NXPH1: variants seen among roughly 807,000 people sequenced by gnomAD.
The protein encoded by NXPH1 is neurexophilin 1.
Under a neutral mutation model 23.7 loss-of-function variants are expected in NXPH1, and 5 were observed. The observed-to-expected ratio is 0.21, with a 90% CI of 0.11 to 0.44. NXPH1 has a LOEUF of 0.44. Ranked by LOEUF, NXPH1 falls within the 20% of genes least tolerant of loss-of-function variation. The probability of loss-of-function intolerance (pLI) is 0.99; values close to 1 mark genes in which losing one functional copy is unlikely to be tolerated. For missense variants in NXPH1, 324 were observed against 321.6 expected (o/e 1.01, Z -0.06); for synonymous variants, 144 against 122.2 (o/e 1.18, Z -1.18).
At chr7:8,584,050 A>G (rs1818932131) in intron 2 of NXPH1, among the ~76,000 whole-genome samples, 1 of 152,222 alleles carries the variant, frequency 6.6e-6, no homozygotes, top group Admixed American at 6.5e-5. Context: ...AGATATTACT[A>G]TGCATTGGAT....
intron 2 of NXPH1, among the ~76,000 whole-genome samples, chr7:8,701,053 A>G (rs1314181120): frequency 6.6e-6 from 1 of 152,056 alleles, no homozygotes; most frequent in Non-Finnish European, 1.5e-5. Context: ...TCCTAATCTT[A>G]AAACCACTGA....
intron 2 of NXPH1, among the ~76,000 whole-genome samples, chr7:8,559,398 A>G (rs1052788525): frequency 1.3e-4 from 19 of 151,776 alleles, no homozygotes; most frequent in African/African-American, 4.1e-4. Flanking sequence ...TTGGTAAGAC[A>G]TGCTTTTGCC....
chr7:8,712,052 G>A (rs1583241916), intron 2 of NXPH1, among the ~76,000 whole-genome samples: 2 of 152,194 alleles, frequency 1.3e-5, no homozygotes, highest in African/African-American at 4.8e-5. Flanking sequence ...GCTCAAGGTT[G>A]TTCTTTGCCA....
At chr7:8,747,722 A>G (rs1051037387) in intron 2 of NXPH1, among the ~76,000 whole-genome samples, 4 of 152,222 alleles carry the variant, frequency 2.6e-5, no homozygotes. Flanking sequence ...TTATGTAACT[A>G]GGCAAGTGCA....
At position 8,621,445 on chromosome 7, in the gene NXPH1, C is replaced by G. The variant is rs1399067924; in HGVS notation, c.55-129563C>G. Among the ~76,000 whole-genome samples the G allele has an allele frequency of 2.0e-5, 3 of 150,926 alleles. No homozygotes were observed. The Admixed American group carries it at 2.0e-4, about 10-fold the overall frequency. On this transcript the variant is annotated intron_variant, in intron 2 of 2. Coordinates refer to ENST00000405863, the MANE Select transcript of NXPH1 (RefSeq NM_152745.3). ...TTGAGAAGAACTTTGGGACAAAGCT[C>G]TTTGCTTAAGATTGGTATTGAGAAA...
At chr7:8,448,144 G>A (rs1816437679) in intron 2 of NXPH1, among the ~76,000 whole-genome samples, 1 of 152,196 alleles carries the variant, frequency 6.6e-6, no homozygotes, top group Non-Finnish European at 1.5e-5. Flanking sequence ...CTTTGGGCAA[G>A]CTTAACTTCT....
intron 2 of NXPH1, among the ~76,000 whole-genome samples, chr7:8,452,335 C>T (rs530128058): frequency 7.2e-5 from 11 of 152,254 alleles, no homozygotes; most frequent in African/African-American, 2.6e-4. Context: ...TATGTTACCA[C>T]CACTGATGAA....
intron 2 of NXPH1, among the ~76,000 whole-genome samples, chr7:8,699,684 T>C (rs557076097): frequency 2.0e-5 from 3 of 152,280 alleles, no homozygotes; most frequent in Admixed American, 2.0e-4. Flanking sequence ...GTTTTGATGA[T>C]GGGGAAAATA....
At chr7:8,499,488 A>G (rs1329622225) in intron 2 of NXPH1, among the ~76,000 whole-genome samples, 1 of 152,100 alleles carries the variant, frequency 6.6e-6, no homozygotes, top group Non-Finnish European at 1.5e-5. Flanking sequence ...GGAAATTAGC[A>G]AGAATGAGAC....
chr7:8,650,961 ATATT>A (rs895693677), intron 2 of NXPH1, among the ~76,000 whole-genome samples: 1 of 151,954 alleles, frequency 6.6e-6, no homozygotes, highest in African/African-American at 2.4e-5. Context: ...TTGAGACATA[ATATT>A]TATTTATTTA....
At chr7:8,578,261 A>G (rs1052341034) in intron 2 of NXPH1, among the ~76,000 whole-genome samples, 2 of 152,198 alleles carry the variant, frequency 1.3e-5, no homozygotes, top group Non-Finnish European at 2.9e-5. Flanking sequence ...ATACTGTAAG[A>G]TGAAAAGGTC....
At position 8,472,445 on chromosome 7, in the gene NXPH1, C is replaced by A. The variant is rs998438685; in HGVS notation, c.54+36678C>A. ...TTTTACAAATGAGAGACTGAGCCAA[C>A]GAGGGGTTGGGTGGTTTGTCCAAAG... On this transcript the variant is annotated intron_variant, in intron 2 of 2. Coordinates refer to ENST00000405863, the MANE Select transcript of NXPH1 (RefSeq NM_152745.3). Among the ~76,000 whole-genome samples, 5 of 152,098 alleles carry A rather than the reference C, an allele frequency of 3.3e-5. No homozygotes were observed. The East Asian group carries it at 9.6e-4, about 29-fold the overall frequency.
At chr7:8,613,630 T>C (rs1439655726) in intron 2 of NXPH1, among the ~76,000 whole-genome samples, 1 of 152,008 alleles carries the variant, frequency 6.6e-6, no homozygotes, top group African/African-American at 2.4e-5. Flanking sequence ...ATTATCTATC[T>C]ATGGTTCAGA....
At chr7:8,726,454 TA>T (rs1780055205) in intron 2 of NXPH1, among the ~76,000 whole-genome samples, 1 of 150,568 alleles carries the variant, frequency 6.6e-6, no homozygotes, top group African/African-American at 2.4e-5. Context: ...CATCTAGCAT[TA>T]GGTATATCTC....
chr7:8,716,487 TAA>T (rs1779880584), intron 2 of NXPH1, among the ~76,000 whole-genome samples: 5 of 152,218 alleles, frequency 3.3e-5, no homozygotes, highest in Admixed American at 3.3e-4. Flanking sequence ...CTAAATTTAT[TAA>T]GTACAGATTT....
chr7:8,678,069 T>C (rs1005912317), intron 2 of NXPH1, among the ~76,000 whole-genome samples: 2 of 152,154 alleles, frequency 1.3e-5, no homozygotes, highest in Non-Finnish European at 2.9e-5. Context: ...TAAAGCTTGA[T>C]GGAGTTAGAG....
chr7:8,486,487 T>A (rs751097299), intron 2 of NXPH1, among the ~76,000 whole-genome samples: 21 of 152,198 alleles, frequency 1.4e-4, no homozygotes, highest in Non-Finnish European at 2.5e-4. Context: ...GGATACATTC[T>A]TCTTTTAATA....
chr7:8,607,730 G>C (rs1819525300), intron 2 of NXPH1, among the ~76,000 whole-genome samples: 1 of 152,202 alleles, frequency 6.6e-6, no homozygotes, highest in Non-Finnish European at 1.5e-5. Context: ...ATGCCTTTAT[G>C]GGATACTGTT....
chr7:8,476,829 C>G (rs1005007151), intron 2 of NXPH1, among the ~76,000 whole-genome samples: 5 of 151,978 alleles, frequency 3.3e-5, no homozygotes, highest in Admixed American at 2.0e-4. Context: ...AGGAAAGAAC[C>G]AGAAATTTTA....
Sources: gnomAD v4.1 joint callset for allele counts (sites outside exome capture counted in the v4.1 genomes callset) on GRCh38, gnomAD v4.1.1 for gene constraint, MANE v1.5 for transcripts, NCBI Gene and HGNC (gene_info 2026-07-23, HGNC 2026-07-21) for gene names.